Variants in OXNAD1 observed in about 807,000 individuals in gnomAD.
OXNAD1 encodes the protein oxidoreductase NAD binding domain containing 1.
In OXNAD1, 34 loss-of-function variants were observed where a neutral mutation model predicts 32.9. The ratio of observed to expected loss-of-function variants is 1.03; its 90% CI spans 0.79 to 1.38. OXNAD1 has a LOEUF of 1.38. Ranked by LOEUF, OXNAD1 falls within the 40% of genes most tolerant of loss-of-function variation. The pLI is 0.00. For missense variants in OXNAD1, 407 were observed against 379.4 expected, an observed-to-expected ratio of 1.07 and a Z score of -0.60; for synonymous variants, 134 against 135.2, an observed-to-expected ratio of 0.99 and a Z score of 0.06.
intron 4 of OXNAD1, among the ~76,000 whole-genome samples, chr3:16,282,884 T>G (rs2065849795): frequency 7.3e-6 from 1 of 136,874 alleles, no homozygotes; most frequent in South Asian, 2.6e-4. Context: ...GTTTTTAAGC[T>G]GGAGAGTAAC....
Position 16,321,974 on chromosome 3 carries a change from G to C in OXNAD1, c.*31-15138G>C, listed in dbSNP as rs1428451122. On this transcript the variant is annotated intron_variant, in intron 9 of 9. Transcript: ENST00000435829. The surrounding 1 kb of genome is among the most constrained non-coding windows in gnomAD (Gnocchi z 4.8). ...TGGAATCTGTGTGCCCCACCACCAG[G>C]AACCTGTTAGGCAAAGGTGGCACCA... Among the ~76,000 whole-genome samples the C allele has an allele frequency of 6.6e-6, 1 of 152,186 alleles. No homozygotes were observed. Among genetic ancestry groups the C allele is most frequent in the Non-Finnish European group, 1.5e-5 (1 of 68,024 alleles).
chr3:16,306,250 G>C (rs963766574), downstream of OXNAD1, among the ~76,000 whole-genome samples: 1 of 152,052 alleles, frequency 6.6e-6, no homozygotes, highest in African/African-American at 2.4e-5. Flanking sequence ...ATGACTTCTC[G>C]TGCATCCATC....
rs1310723886 is a variant in OXNAD1 at position 16,346,034 on chromosome 3, T to C, written c.*31-3142T>C. ...AAGAATCAAAATTCACTTTGCCCCA[T>C]GATCTTCACCAGAACGGCATACTTG... On this transcript the variant is annotated intron_variant, in intron 9 of 9. Transcript: ENST00000606098. This position sits in a 1 kb window ranked among gnomAD's most constrained non-coding sequence, Gnocchi z 4.4. The C allele has an allele frequency of 5.3e-5, 8 of 152,242 alleles. No individual in the cohort carries two copies. The highest frequency in any genetic ancestry group is 1.9e-4 in the East Asian group (1 of 5,168). The allele number at this position is 152,242 out of a possible 1,614,324, so 9.4% of individuals were successfully genotyped here. A position where few individuals can be genotyped will look rare whatever the true frequency, so the allele number is the denominator to read the frequency against.
chr3:16,328,878 C>T (rs912548324), intron 9 of OXNAD1, among the ~76,000 whole-genome samples: 11 of 152,298 alleles, frequency 7.2e-5, no homozygotes, highest in African/African-American at 2.6e-4. Context: ...CTAACTTTTT[C>T]CCATCATTCT....
In OXNAD1 at chr3:16,266,766, T is replaced by C. The variant is rs188563563; in HGVS notation, c.-159+1261T>C. 1.3e-4 allele frequency among the ~76,000 whole-genome samples: 20 copies of C among 152,224 alleles called. 1 individual carries two copies. The highest frequency in any genetic ancestry group is 1.5e-5 in the Non-Finnish European group (1 of 68,010). ...CAAGGAAGAGAAGGGGTCAATGTAT[T>C]AGGATTGATTTTAGTAACACTGTTG... On this transcript the variant is annotated intron_variant, in intron 1 of 8. Transcript: ENST00000285083.
At position 16,303,593 on chromosome 3, in the gene OXNAD1, G is replaced by T. The variant is rs764910323; in HGVS notation, c.*31G>T. ...AGACAAAGGCAGAAAAAATAAAGAGGTGAGATCTACTCAGGAGAGCTCCTG... is the reference window on the plus strand; with the variant it reads ...AGACAAAGGCAGAAAAAATAAAGAGTTGAGATCTACTCAGGAGAGCTCCTG... On this transcript the variant is annotated 3_prime_UTR_variant, in exon 9 of 9. Transcript: ENST00000285083. This position sits in a 1 kb window ranked among gnomAD's most constrained non-coding sequence, Gnocchi z 4.8. The T allele has an allele frequency of 1.2e-6, 2 of 1,606,880 alleles. No homozygotes were observed. The highest frequency in any genetic ancestry group is 1.7e-6 in the Non-Finnish European group (2 of 1,176,562).
intron 9 of OXNAD1, chr3:16,326,886 C>A: frequency 6.2e-7 from 1 of 1,609,630 alleles, no homozygotes; most frequent in South Asian, 1.1e-5. Flanking sequence ...CCTGGGGGAA[C>A]AAGGCCAGCA....
rs1574977749 is a variant in OXNAD1 at position 16,326,979 on chromosome 3, G to A, written c.*31-10133G>A. ...TGCCAATCCGCAAAACAGAAAAGAA[G>A]TGGCGGTGCCCGGCCACTCAGAGGC... On this transcript the variant is annotated intron_variant, in intron 9 of 9. Coordinates refer to the OXNAD1 transcript ENST00000435829. 4 of 832,936 alleles carry A rather than the reference G, an allele frequency of 4.8e-6. No individual in the cohort carries two copies. The East Asian group carries it at 1.1e-4, about 23-fold the overall frequency. 51.6% of individuals were successfully genotyped at this position (832,936 alleles called of 1,614,324 possible).
At position 16,294,847 on chromosome 3, in the gene OXNAD1, T is replaced by G. The variant is rs1261227076; in HGVS notation, c.291-9T>G. On this transcript the variant is annotated splice_polypyrimidine_tract_variant and intron_variant, in intron 5 of 8. Coordinates refer to ENST00000285083, the MANE Select transcript of OXNAD1 (RefSeq NM_138381.5). ...TCAACAATAATCATTTATTTGGCTT[T>G]CTTTTTAGGGTTGATTTCTTTATTC... 1.2e-6 allele frequency: 2 copies of G among 1,602,166 alleles called. No individual in the cohort carries two copies. The highest frequency in any genetic ancestry group is 1.8e-5 in the Admixed American group (1 of 57,024).
At chr3:16,295,749 C>T (rs1409465570) in intron 6 of OXNAD1, among the ~76,000 whole-genome samples, 1 of 152,148 alleles carries the variant, frequency 6.6e-6, no homozygotes, top group Non-Finnish European at 1.5e-5. Flanking sequence ...TCCATCCCAA[C>T]CAGGCATTTT....
chr3:16,318,747 A>C (rs554138673), intron 9 of OXNAD1, among the ~76,000 whole-genome samples: 67 of 152,298 alleles, frequency 4.4e-4, no homozygotes, highest in African/African-American at 1.4e-3. Context: ...TGTATCCCCC[A>C]AAAAACCCAA....
At chr3:16,286,274 G>T (rs1234158677) in intron 4 of OXNAD1, 68 bp from the exon 5 acceptor site, 12 of 1,230,972 alleles carry the variant, frequency 9.7e-6, no homozygotes, top group Admixed American at 1.8e-5. Flanking sequence ...TAGTTCTCAG[G>T]ATGCCACCAT....
chr3:16,293,423 A>T (rs887280227), intron 5 of OXNAD1, among the ~76,000 whole-genome samples: 2 of 152,172 alleles, frequency 1.3e-5, no homozygotes, highest in African/African-American at 4.8e-5. Flanking sequence ...TTTTTAGTGA[A>T]TACATTAGTA....
At chr3:16,283,858 G>A (rs2065907830) in intron 4 of OXNAD1, among the ~76,000 whole-genome samples, 1 of 151,880 alleles carries the variant, frequency 6.6e-6, no homozygotes, top group South Asian at 2.1e-4. Context: ...GCATCAGTGT[G>A]GAAAATACCA....
At chr3:16,307,265 G>T (rs1322403907), downstream of OXNAD1, among the ~76,000 whole-genome samples, 3 of 152,148 alleles carry the variant, frequency 2.0e-5, no homozygotes, top group Non-Finnish European at 4.4e-5. Flanking sequence ...TTGATGTTCA[G>T]CTTGTTTTAG....
chr3:16,272,507 C>T (rs73140418), intron 4 of OXNAD1, among the ~76,000 whole-genome samples: 6,616 of 152,084 alleles, frequency 0.044, 438 homozygotes, highest in African/African-American at 0.15. Flanking sequence ...ATTATATTGT[C>T]TCATTTAAAT....
chr3:16,345,812 GTGTGTGCGCGCGCGCGTGCGCGCA>G lies in OXNAD1; in HGVS notation c.*31-3363_*31-3340del, dbSNP rs1395410239. ...TCTGTGTGTGTGTGTGTGTGTGTGT[GTGTGTGCGCGCGCGCGTGCGCGCA>G]CGCGCACATGTGCATGTGTATGTGT... On this transcript the variant is annotated intron_variant, in intron 9 of 9. Transcript: ENST00000606098. This position sits in a 1 kb window ranked among gnomAD's most constrained non-coding sequence, Gnocchi z 5.2. Among the ~76,000 whole-genome samples the G allele has an allele frequency of 3.9e-3, 334 of 85,890 alleles. 4 individuals are homozygous for G. The highest frequency in any genetic ancestry group is 0.02 in the African/African-American group (282 of 14,150). The allele number at this position is 85,890 out of a possible 152,430, so 56.3% of individuals were successfully genotyped here.
At position 16,320,198 on chromosome 3, in the gene OXNAD1, C is replaced by T. The variant is rs1447169273; in HGVS notation, c.*30+16606C>T. Among the ~76,000 whole-genome samples, 2 of 152,210 alleles carry T rather than the reference C, an allele frequency of 1.3e-5. No homozygotes were observed. Among genetic ancestry groups the T allele is most frequent in the African/African-American group, 4.8e-5 (2 of 41,450 alleles). ...TAGTTTAGCTGGAAGGAAGTCTTCC[C>T]GAGTTGTAGAAATCACCTACTCCCT... On this transcript the variant is annotated intron_variant, in intron 9 of 9. Transcript: ENST00000435829. The surrounding 1 kb of genome is among the most constrained non-coding windows in gnomAD (Gnocchi z 4.5).
intron 2 of OXNAD1, 126 bp downstream of exon 2, chr3:16,269,401 T>G: frequency 1.0e-6 from 1 of 997,718 alleles, no homozygotes; most frequent in Non-Finnish European, 1.4e-6. Flanking sequence ...TTTCATTTAG[T>G]AAAGAGAAAA....
Sources: gnomAD v4.1 joint callset for allele counts (sites outside exome capture counted in the v4.1 genomes callset) on GRCh38, gnomAD v4.1.1 for gene constraint, Gnocchi (gnomAD v3.1) non-coding constraint, MANE v1.5 for transcripts, NCBI Gene and HGNC (gene_info 2026-07-23, HGNC 2026-07-21) for gene names.